TRHDE: variants seen among roughly 807,000 people sequenced by gnomAD.
TRHDE encodes thyrotropin releasing hormone degrading enzyme.
In TRHDE, 72 loss-of-function variants were observed where a neutral mutation model predicts 125.7. The ratio of observed to expected loss-of-function variants is 0.57; its 90% CI spans 0.47 to 0.70. The LOEUF (loss-of-function observed/expected upper bound fraction) is 0.70. TRHDE is among the 30% of genes least tolerant of loss of function. TRHDE has a pLI of 0.00. For missense variants in TRHDE, 1,110 were observed against 1,327.1 expected (o/e 0.84, Z 2.54); for synonymous variants, 509 against 509.1 (o/e 1.00, Z 0.00).
At chr12:72,155,058 C>G (rs1876470777) in intron 2 of TRHDE, among the ~76,000 whole-genome samples, 1 of 152,206 alleles carries the variant, frequency 6.6e-6, no homozygotes, top group Non-Finnish European at 1.5e-5. Flanking sequence ...GGTCTTTTCA[C>G]ATAGTCCCAT....
At chr12:72,134,340 A>AT (rs1263196031) in intron 2 of TRHDE, among the ~76,000 whole-genome samples, 3 of 152,088 alleles carry the variant, frequency 2.0e-5, no homozygotes, top group Non-Finnish European at 4.4e-5. Context: ...GAGAAAAAAA[A>AT]GTTGGAGGCA....
chr12:72,392,403 A>G (rs2135792395), intron 3 of TRHDE, among the ~76,000 whole-genome samples: 1 of 152,258 alleles, frequency 6.6e-6, no homozygotes, highest in African/African-American at 2.4e-5. Context: ...TTATTGATCT[A>G]CTTCCTTAAA....
intron 1 of TRHDE, among the ~76,000 whole-genome samples, chr12:72,104,233 G>A (rs923652034): frequency 1.3e-5 from 2 of 151,996 alleles, no homozygotes; most frequent in East Asian, 1.9e-4. Context: ...TTGCTCAGTC[G>A]CTATTTATTA....
At chr12:72,251,422 CTTTTTT>C (rs34337273) in intron 2 of TRHDE, among the ~76,000 whole-genome samples, 1 of 130,868 alleles carries the variant, frequency 7.6e-6, no homozygotes. Flanking sequence ...GGAATTGGGG[CTTTTTT>C]TTTTTTTTTT....
At chr12:72,588,985 C>T (rs887120087) in intron 12 of TRHDE, among the ~76,000 whole-genome samples, 2 of 152,158 alleles carry the variant, frequency 1.3e-5, no homozygotes, top group African/African-American at 4.8e-5. Context: ...CTCACTATCA[C>T]AAGAACAACA....
At chr12:72,586,850 T>G (rs1029433347) in intron 12 of TRHDE, among the ~76,000 whole-genome samples, 2 of 151,748 alleles carry the variant, frequency 1.3e-5, no homozygotes, top group Admixed American at 1.3e-4. Flanking sequence ...TCTAGAAGTC[T>G]GTGTTTGACA....
rs1363794933 is a variant in TRHDE, at chr12:72,273,008, A to G, written c.365A>G (p.Asp122Gly). Residue 122 changes from aspartate (D) to glycine (G), a missense_variant, in exon 1 of 19, where the codon GAC (aspartate) becomes GGC (glycine). Asp to Gly is a moderately conservative substitution (Grantham distance 94). Coordinates refer to ENST00000261180, the MANE Select transcript of TRHDE (RefSeq NM_013381.3). The surrounding 1 kb of genome is among the most constrained non-coding windows in gnomAD (Gnocchi z 5.3). ...GGGGCGAGTGCCACGCCAGGCGCCGACGGTGGCCCCTCAGGCTTTCCGGAG... is the reference window on the plus strand; with the variant it reads ...GGGGCGAGTGCCACGCCAGGCGCCGGCGGTGGCCCCTCAGGCTTTCCGGAG... ...ECGASATPGA[D>G]GGPSGFPERG... is the part of the protein sequence containing the mutation. The G allele has an allele frequency of 3.2e-6, 5 of 1,543,866 alleles. No individual in the cohort carries two copies.
intron 2 of TRHDE, among the ~76,000 whole-genome samples, chr12:72,343,598 T>C (rs569222452): frequency 6.6e-6 from 1 of 152,166 alleles, no homozygotes; most frequent in South Asian, 2.1e-4. Flanking sequence ...TTTTATGTGT[T>C]CTCTCCTGTT....
At chr12:72,193,257 A>G (rs1228726583) in intron 2 of TRHDE, among the ~76,000 whole-genome samples, 2 of 152,166 alleles carry the variant, frequency 1.3e-5, no homozygotes, top group Admixed American at 1.3e-4. Flanking sequence ...TGTATTCAGC[A>G]TGTTCCATTT....
chr12:72,643,727 T>G (rs773020740), intron 15 of TRHDE, among the ~76,000 whole-genome samples: 1 of 152,208 alleles, frequency 6.6e-6, no homozygotes, highest in Non-Finnish European at 1.5e-5. Flanking sequence ...TGCTACTTTA[T>G]GTCCTTTTAA....
intron 15 of TRHDE, among the ~76,000 whole-genome samples, chr12:72,648,072 C>T (rs1001494337): frequency 6.6e-6 from 1 of 152,074 alleles, no homozygotes; most frequent in African/African-American, 2.4e-5. Flanking sequence ...GTATTTATCT[C>T]TGAGATGCGA....
At chr12:72,593,564 G>A (rs1277521061) in intron 12 of TRHDE, among the ~76,000 whole-genome samples, 2 of 151,826 alleles carry the variant, frequency 1.3e-5, no homozygotes, top group Admixed American at 6.6e-5. Context: ...TGTGCACAAC[G>A]TGCAGGTTTG....
At chr12:72,526,692 GGTTAT>G (rs1268975328) in intron 6 of TRHDE, among the ~76,000 whole-genome samples, 2 of 152,102 alleles carry the variant, frequency 1.3e-5, no homozygotes, top group African/African-American at 4.8e-5. Flanking sequence ...GGATATACTT[GGTTAT>G]GTTTCAGCTG....
At chr12:72,470,391 T>G (rs183805534) in intron 4 of TRHDE, among the ~76,000 whole-genome samples, 65 of 152,348 alleles carry the variant, frequency 4.3e-4, no homozygotes, top group African/African-American at 1.5e-3. Context: ...AACTCAGCCA[T>G]AGACTCTTTG....
chr12:72,119,208 C>T (rs1875519270), intron 2 of TRHDE, among the ~76,000 whole-genome samples: 1 of 152,080 alleles, frequency 6.6e-6, no homozygotes, highest in African/African-American at 2.4e-5. Context: ...ACTGCTTTTG[C>T]CGTATCCCAT....
At chr12:72,318,291 A>G (rs975562507) in intron 2 of TRHDE, among the ~76,000 whole-genome samples, 3 of 152,192 alleles carry the variant, frequency 2.0e-5, no homozygotes, top group Non-Finnish European at 4.4e-5. Flanking sequence ...ATCAGTAAAC[A>G]GGAGAATACA....
chr12:72,149,462 A>G lies in TRHDE; in HGVS notation n.279+43710A>G, dbSNP rs142265272. Among the ~76,000 whole-genome samples, 1,207 of 152,280 alleles carry G rather than the reference A, an allele frequency of 7.9e-3. 9 individuals carry two copies. Among genetic ancestry groups the G allele is most frequent in the Non-Finnish European group, 0.012 (838 of 68,004 alleles). On this transcript the variant is annotated intron_variant and non_coding_transcript_variant, in intron 2 of 4. Transcript: ENST00000548156. ...TATAGTTTCAAATAGAAAATGGTAT[A>G]TGTTTTAAAAAATTTCACTAGTTTC...
chr12:72,239,503 G>A (rs571297969), intron 2 of TRHDE, among the ~76,000 whole-genome samples: 1 of 152,092 alleles, frequency 6.6e-6, no homozygotes, highest in East Asian at 1.9e-4. Flanking sequence ...TTTCTTCTAG[G>A]ATTCTTATGG....
chr12:72,471,420 GT>G (rs1255825638), intron 4 of TRHDE, among the ~76,000 whole-genome samples: 1 of 152,136 alleles, frequency 6.6e-6, no homozygotes, highest in Non-Finnish European at 1.5e-5. Context: ...ATATAGTTCT[GT>G]GGAAGTGAAA....
Sources: allele counts gnomAD v4.1 joint callset (sites outside exome capture counted in the v4.1 genomes callset), GRCh38; gene constraint gnomAD v4.1.1; non-coding constraint Gnocchi (gnomAD v3.1); transcripts MANE v1.5; gene names NCBI Gene and HGNC (gene_info 2026-07-23, HGNC 2026-07-21).